Variants in TNFRSF25 observed in about 807,000 individuals in gnomAD.
TNFRSF25 encodes the protein tumor necrosis factor receptor superfamily member 25.
A neutral mutation model predicts 49.4 loss-of-function variants in TNFRSF25; 28 were observed. The ratio of observed to expected loss-of-function variants is 0.57; its 90% CI spans 0.42 to 0.78. The LOEUF is 0.78. Ranked by LOEUF, TNFRSF25 falls within the 30% of genes least tolerant of loss-of-function variation. TNFRSF25 has a pLI of 0.00. For missense variants in TNFRSF25, 531 were observed against 581.6 expected (o/e 0.91, Z 0.90); for synonymous variants, 240 against 234.2 (o/e 1.02, Z -0.23).
Position 6,461,894 on chromosome 1 carries a change from C to G in TNFRSF25, c.925+100G>C. 1 of 1,490,680 alleles carries G rather than the reference C, an allele frequency of 6.7e-7. No individual in the cohort carries two copies. 92.3% of individuals were successfully genotyped at this position (1,490,680 alleles called of 1,614,324 possible). On this transcript the variant is annotated intron_variant, in intron 9 of 9. Transcript: ENST00000356876. The surrounding 1 kb of genome is among the most constrained non-coding windows in gnomAD (Gnocchi z 6.3). ...GTGGGTCAGGGCATAGGGCGGACTC[C>G]GTCAGTTAGGGGGCAGAAAGGGAAC...
Position 6,461,956 on chromosome 1 carries a change from G to A in TNFRSF25, c.925+38C>T. On this transcript the variant is annotated intron_variant, in intron 9 of 9. Transcript: ENST00000356876. This position sits in a 1 kb window ranked among gnomAD's most constrained non-coding sequence, Gnocchi z 6.3. ...CCACAACTTCCCACCGCAGACAGGA[G>A]AATGGGGTCAAGGCCTCAGGCCACT... 1 of 1,566,952 alleles carries A rather than the reference G, an allele frequency of 6.4e-7. No individual in the cohort carries two copies. Among genetic ancestry groups the A allele is most frequent in the Non-Finnish European group, 8.6e-7 (1 of 1,159,320 alleles).
chr1:6,464,540 G>T lies in TNFRSF25; in HGVS notation c.463+12C>A. On this transcript the variant is annotated intron_variant, in intron 4 of 9. Coordinates refer to ENST00000356876, the MANE Select transcript of TNFRSF25 (RefSeq NM_003790.3). The stretch of plus-strand genomic sequence containing the variant: ...GGTCTGGGAGTAGAGAGCCCTGGGT[G>T]GGGGTACTCACAGAGTAGCCGTGTG... The T allele has an allele frequency of 6.2e-7, 1 of 1,613,990 alleles. No homozygotes were observed. Among genetic ancestry groups the T allele is most frequent in the Non-Finnish European group, 8.5e-7 (1 of 1,179,912 alleles).
In TNFRSF25 at chr1:6,465,335, G is replaced by A. The variant is rs45558431; in HGVS notation, c.160+105C>T. ...TCTCCAGCTCCCTACTTCTCTGTCA[G>A]CCTACCCCTACCTCCCCTGCCAGCC... On this transcript the variant is annotated intron_variant, in intron 2 of 9. Transcript: ENST00000356876. 22 of 1,448,954 alleles carry A rather than the reference G, an allele frequency of 1.5e-5. No homozygotes were observed. The African/African-American group carries it at 2.0e-4, about 13-fold the overall frequency. 89.8% of individuals were successfully genotyped at this position (1,448,954 alleles called of 1,614,324 possible).
intron 1 of TNFRSF25, 69 bp downstream of exon 1, chr1:6,466,000 C>T: frequency 6.6e-7 from 1 of 1,526,336 alleles, no homozygotes; most frequent in South Asian, 1.2e-5. Flanking sequence ...GCGCCCGGGG[C>T]CCCTTCCTTC....
chr1:6,465,612 T>A, intron 1 of TNFRSF25, 52 bp from the exon 2 acceptor site: 1 of 1,580,174 alleles, frequency 6.3e-7, no homozygotes, highest in Non-Finnish European at 8.6e-7. Context: ...GTGGGGCCTC[T>A]CCCTGCTGCG....
In TNFRSF25 at chr1:6,465,560, C is replaced by G; in HGVS notation, c.40G>C (p.Ala14Pro). Residue 14 changes from alanine to proline, a missense_variant and splice_region_variant, in exon 2 of 10, where the codon GCG becomes CCG. Coordinates refer to ENST00000356876, the MANE Select transcript of TNFRSF25 (RefSeq NM_003790.3). ...RPRGCAAVAA[A>P]LLLVLLGARA... ...GCCCCCAGCAGCACCAGGAGGAGCG[C>G]CTGGGGGACAGGTGCTGCTGACTCT... 1 of 1,612,352 alleles carries G rather than the reference C, an allele frequency of 6.2e-7. No individual in the cohort carries two copies. Among genetic ancestry groups the G allele is most frequent in the Non-Finnish European group, 8.5e-7 (1 of 1,179,474 alleles).
chr1:6,464,338 C>G (rs1357924780), intron 5 of TNFRSF25, 37 bp downstream of exon 5: 1 of 1,577,416 alleles, frequency 6.3e-7, no homozygotes, highest in South Asian at 1.2e-5. Flanking sequence ...CTGCTCCCAG[C>G]CGCCCTTCCC....
In TNFRSF25 at chr1:6,464,672, A is replaced by G. The variant is rs1210574484; in HGVS notation, c.343T>C (p.Cys115Arg). Residue 115 changes from cysteine to arginine, a missense_variant, in exon 4 of 10, where the codon TGT becomes CGT. By Grantham distance (180) the Cys-to-Arg change is radical. Coordinates refer to ENST00000356876, the MANE Select transcript of TNFRSF25 (RefSeq NM_003790.3). ...ACAAACCAGCCTGGCTTACAGCCACAGCGGGTGTCGGCCACTGCTGAACAG... is the reference window on the plus strand; with the variant it reads ...ACAAACCAGCCTGGCTTACAGCCACGGCGGGTGTCGGCCACTGCTGAACAG... Reference protein sequence around the residue: ...ENCSAVADTRCGCKPGWFVEC... With the variant: ...ENCSAVADTRRGCKPGWFVEC... 1.2e-6 allele frequency: 2 copies of G among 1,614,032 alleles called. No homozygotes were observed. Among genetic ancestry groups the G allele is most frequent in the Non-Finnish European group, 8.5e-7 (1 of 1,180,028 alleles).
At position 6,466,159 on chromosome 1, in the gene TNFRSF25, C is replaced by T. The variant is rs778598280; in HGVS notation, c.-52G>A. On this transcript the variant is annotated 5_prime_UTR_variant, in exon 1 of 10. Transcript: ENST00000356876. ...TCCCGGCTCCGTGCTCTCTGCCCGT[C>T]GTGGTTCCGCCTTCAGCCCCGCGCC... is the stretch of plus-strand genomic sequence containing the variant. The T allele has an allele frequency of 1.2e-5, 17 of 1,395,448 alleles. No homozygotes were observed. The highest frequency in any genetic ancestry group is 4.9e-5 in the South Asian group (3 of 61,562). The allele number at this position is 1,395,448 out of a possible 1,614,324, so 86.4% of individuals were successfully genotyped here.
Position 6,462,732 on chromosome 1 carries a change from G to A in TNFRSF25, c.707-66C>T, listed in dbSNP as rs544853847. On this transcript the variant is annotated intron_variant, in intron 7 of 9. Transcript: ENST00000356876. This position sits in a 1 kb window ranked among gnomAD's most constrained non-coding sequence, Gnocchi z 4.2. The stretch of plus-strand genomic sequence containing the variant: ...CCTCCTGGACCTGGGTGCTGGTACA[G>A]CTCCTCTAGGGTTCCTCTGCACCCC... 3 of 1,598,880 alleles carry A rather than the reference G, an allele frequency of 1.9e-6. No homozygotes were observed. In the South Asian group the frequency reaches 3.4e-5, roughly 18 times the overall value.
chr1:6,462,537 G>C lies in TNFRSF25; in HGVS notation c.744+92C>G. On this transcript the variant is annotated intron_variant, in intron 8 of 9. Transcript: ENST00000356876. This position sits in a 1 kb window ranked among gnomAD's most constrained non-coding sequence, Gnocchi z 4.2. ...CACCTCTGTCCACTAGGGCTACCCGGTGCTGGCCGCGTGCCAAGCTCCAGG... is the reference window on the plus strand; with the variant it reads ...CACCTCTGTCCACTAGGGCTACCCGCTGCTGGCCGCGTGCCAAGCTCCAGG... 1 of 1,559,998 alleles carries C rather than the reference G, an allele frequency of 6.4e-7. No individual in the cohort carries two copies. Among genetic ancestry groups the C allele is most frequent in the East Asian group, 2.2e-5 (1 of 44,544 alleles).
Position 6,463,339 on chromosome 1 carries a change from C to G in TNFRSF25, c.543-212G>C, listed in dbSNP as rs554711826. 14 of 607,374 alleles carry G rather than the reference C, an allele frequency of 2.3e-5. No homozygotes were observed. In the South Asian group the frequency reaches 2.6e-4, roughly 11 times the overall value. The allele number at this position is 607,374 out of a possible 1,614,324, so 37.6% of individuals were successfully genotyped here. A position where few individuals can be genotyped will look rare whatever the true frequency, so the allele number is the denominator to read the frequency against. ...ACTACATGAAGAGTCACTAGAATGT[C>G]AACCCCAAAAGGACAGGGATTTTGC... On this transcript the variant is annotated intron_variant, in intron 5 of 9. Transcript: ENST00000356876.
intron 1 of TNFRSF25, 84 bp downstream of exon 1, chr1:6,465,985 G>A: frequency 2.0e-6 from 3 of 1,514,336 alleles, no homozygotes; most frequent in Non-Finnish European, 2.7e-6. Context: ...GCTTGGAGTG[G>A]AGACGCGCCC....
At chr1:6,464,788 A>C in intron 3 of TNFRSF25, 69 bp from the exon 4 acceptor site, 1 of 1,554,384 alleles carries the variant, frequency 6.4e-7, no homozygotes, top group Non-Finnish European at 8.8e-7. Context: ...GGAGAGGCAG[A>C]GGCATTATCC....
chr1:6,460,831 T>C lies in TNFRSF25; in HGVS notation c.*603A>G. 1 of 251,364 alleles carries C rather than the reference T, an allele frequency of 4.0e-6. No individual in the cohort carries two copies. The highest frequency in any genetic ancestry group is 4.4e-5 in the South Asian group (1 of 22,812). The allele number at this position is 251,364 out of a possible 1,614,324, so 15.6% of individuals were successfully genotyped here. A position where few individuals can be genotyped will look rare whatever the true frequency, so the allele number is the denominator to read the frequency against. Reference sequence around the variant, plus strand: ...CCTTTCACTGCCCCGGTGGAGTGAATAGAGGATGAGGGGCCCTGACCCTGT... The same window carrying C: ...CCTTTCACTGCCCCGGTGGAGTGAACAGAGGATGAGGGGCCCTGACCCTGT... On this transcript the variant is annotated 3_prime_UTR_variant, in exon 10 of 10. Coordinates refer to ENST00000356876, the MANE Select transcript of TNFRSF25 (RefSeq NM_003790.3).
rs564164468 is a variant in TNFRSF25 at position 6,460,811 on chromosome 1, C to T, written c.*623G>A. The T allele has an allele frequency of 4.7e-6, 1 of 211,856 alleles. No individual in the cohort carries two copies. The highest frequency in any genetic ancestry group is 6.9e-5 in the South Asian group (1 of 14,544). 13.1% of individuals were successfully genotyped at this position (211,856 alleles called of 1,614,324 possible). ...GACCCACTCGCTGCCGGGACCCTTT[C>T]ACTGCCCCGGTGGAGTGAATAGAGG... On this transcript the variant is annotated 3_prime_UTR_variant, in exon 10 of 10. Transcript: ENST00000356876.
chr1:6,461,857 C>T lies in TNFRSF25; in HGVS notation c.926-95G>A. 2.8e-6 allele frequency: 4 copies of T among 1,452,708 alleles called. No homozygotes were observed. Among genetic ancestry groups the T allele is most frequent in the Non-Finnish European group, 3.6e-6 (4 of 1,104,596 alleles). The allele number at this position is 1,452,708 out of a possible 1,614,324, so 90.0% of individuals were successfully genotyped here. ...CGTGCGGGTACCCCAGGGCTGAAGC[C>T]CGCTGGATCCGGTGGGTCAGGGCAT... On this transcript the variant is annotated intron_variant, in intron 9 of 9. Coordinates refer to ENST00000356876, the MANE Select transcript of TNFRSF25 (RefSeq NM_003790.3). This position sits in a 1 kb window ranked among gnomAD's most constrained non-coding sequence, Gnocchi z 6.3.
chr1:6,462,957 C>A lies in TNFRSF25; in HGVS notation c.612G>T (p.Gln204His). ...VCGWRQMFWV[Q>H]VLLAGLVVPL... ...GGACCACAAGGCCAGCCAGGAGCACCTGGACCCAGAACACTGAAAGCAGCT... is the reference window on the plus strand; with the variant it reads ...GGACCACAAGGCCAGCCAGGAGCACATGGACCCAGAACACTGAAAGCAGCT... Residue 204 changes from glutamine (Q) to histidine (H), a missense_variant, in exon 7 of 10, where the codon CAG becomes CAT. Coordinates refer to ENST00000356876, the MANE Select transcript of TNFRSF25 (RefSeq NM_003790.3). This position sits in a 1 kb window ranked among gnomAD's most constrained non-coding sequence, Gnocchi z 4.2. 1 of 1,597,114 alleles carries A rather than the reference C, an allele frequency of 6.3e-7. No homozygotes were observed. The highest frequency in any genetic ancestry group is 2.3e-5 in the East Asian group (1 of 44,214).
chr1:6,465,647 C>T, intron 1 of TNFRSF25, 87 bp from the exon 2 acceptor site: 3 of 1,528,352 alleles, frequency 2.0e-6, no homozygotes, highest in Non-Finnish European at 2.6e-6. Flanking sequence ...GAGGCCCCAG[C>T]ATTTGCCCAC....
Sources: gnomAD v4.1 joint callset for allele counts on GRCh38, gnomAD v4.1.1 for gene constraint, Gnocchi (gnomAD v3.1) non-coding constraint, MANE v1.5 for transcripts, NCBI Gene and HGNC (gene_info 2026-07-23, HGNC 2026-07-21) for gene names.